The following TBCD variants were observed in gnomAD, a reference collection of about 807,000 sequenced individuals.
TBCD encodes the protein tubulin-specific chaperone D.
TBCD carries 105 observed loss-of-function variants against 169.3 expected under a neutral mutation model. The ratio of observed to expected loss-of-function variants is 0.62; its 90% CI spans 0.53 to 0.73. TBCD has a LOEUF of 0.73. Ranked by LOEUF, TBCD falls within the 30% of genes least tolerant of loss-of-function variation. The pLI is 0.00. For synonymous variants in TBCD, 700 were observed against 643.9 expected (o/e 1.09, Z -1.32); for missense variants, 1,444 against 1,600.1 (o/e 0.90, Z 1.66).
chr17:82,924,445 C>T (rs536691833), intron 26 of TBCD, among the ~76,000 whole-genome samples: 5 of 152,352 alleles, frequency 3.3e-5, no homozygotes, highest in Non-Finnish European at 2.9e-5. Flanking sequence ...GCTTGCTTCT[C>T]GCACATCATG....
intron 13 of TBCD, among the ~76,000 whole-genome samples, chr17:82,851,577 C>A (rs115998055): frequency 6.6e-6 from 1 of 152,136 alleles, no homozygotes; most frequent in Admixed American, 6.5e-5. Flanking sequence ...GCCTCAGACA[C>A]GTGTACAGAA....
Position 82,805,919 on chromosome 17 carries a change from T to C in TBCD, c.995T>C (p.Leu332Pro). The change falls in exon 10 of 39, where the codon CTC becomes CCC. Residue 332 changes from leucine (L) to proline (P), a missense_variant. Coordinates refer to ENST00000355528, the MANE Select transcript of TBCD (RefSeq NM_005993.5). The stretch of plus-strand genomic sequence containing the variant: ...TCTTTGGCTGCAAATCTGCAGCTCC[T>C]CACTCAGGGTCAGAGTGAGCAGAAG... The part of the protein sequence containing the change: ...CRSLAANLQL[L>P]TQGQSEQKPL... 1 of 1,612,766 alleles carries C rather than the reference T, an allele frequency of 6.2e-7. No homozygotes were observed. Among genetic ancestry groups the C allele is most frequent in the East Asian group, 2.2e-5 (1 of 44,822 alleles).
intron 13 of TBCD, among the ~76,000 whole-genome samples, chr17:82,851,697 C>T (rs920942004): frequency 4.6e-5 from 7 of 152,170 alleles, no homozygotes; most frequent in Non-Finnish European, 8.8e-5. Context: ...CAGAGCCAAA[C>T]GCAGCTCTTC....
intron 12 of TBCD, among the ~76,000 whole-genome samples, chr17:82,812,646 G>GC (rs2051537288): frequency 6.6e-6 from 1 of 152,218 alleles, no homozygotes; most frequent in African/African-American, 2.4e-5. Flanking sequence ...CTGGGTTCAA[G>GC]CCATTCCCCT....
chr17:82,814,823 A>T lies in TBCD; in HGVS notation c.1224-17A>T, dbSNP rs777810732. On this transcript the variant is annotated splice_polypyrimidine_tract_variant and intron_variant, in intron 12 of 38. Transcript: ENST00000355528. Reference sequence around the variant, plus strand: ...CTGACACGTGGGCTGTGGTCTCAGGATCTTTGTTGCTCTCAGTTTCCAGGA... The same window carrying T: ...CTGACACGTGGGCTGTGGTCTCAGGTTCTTTGTTGCTCTCAGTTTCCAGGA... 37 of 1,613,460 alleles carry T rather than the reference A, an allele frequency of 2.3e-5. No homozygotes were observed. Among genetic ancestry groups the T allele is most frequent in the Non-Finnish European group, 3.0e-5 (35 of 1,179,690 alleles).
Position 82,807,645 on chromosome 17 carries a change from C to A in TBCD, c.1125C>A (p.Val375=). The part of the protein sequence containing the change: ...LLVGLKDKDT[V]VRWSAAKGIG... ...TCGGGCTGAAGGACAAGGACACGGT[C>A]GTGCGGTGGTCTGCAGCCAAGGGGT... The change falls in exon 11 of 39, where the codon GTC becomes GTA. Residue 375 remains valine (V), a synonymous_variant. Coordinates refer to ENST00000355528, the MANE Select transcript of TBCD (RefSeq NM_005993.5). 1.3e-6 allele frequency: 2 copies of A among 1,553,668 alleles called. No homozygotes were observed. Among genetic ancestry groups the A allele is most frequent in the East Asian group, 2.4e-5 (1 of 41,210 alleles).
Position 82,840,605 on chromosome 17 carries a change from C to A in TBCD, c.1318+25671C>A, listed in dbSNP as rs993812372. ...CCAGAGCCTGGCTGCAGGGACCTGC[C>A]GGAGCTTGCCCGACACCAGGCACCG... On this transcript the variant is annotated intron_variant, in intron 13 of 38. Coordinates refer to ENST00000355528, the MANE Select transcript of TBCD (RefSeq NM_005993.5). 2.6e-5 allele frequency: 4 copies of A among 152,254 alleles called. No individual in the cohort carries two copies. The South Asian group carries it at 8.3e-4, about 32-fold the overall frequency. 9.4% of individuals were successfully genotyped at this position (152,254 alleles called of 1,614,324 possible).
rs780333606 is a variant in TBCD at position 82,937,297 on chromosome 17, C to T, written c.3218C>T (p.Ala1073Val). The change falls in exon 35 of 39, where the codon GCG (alanine) becomes GTG (valine). Residue 1073 changes from alanine to valine, a missense_variant. Coordinates refer to ENST00000355528, the MANE Select transcript of TBCD (RefSeq NM_005993.5). ...CACCCCTTTGCTGTGAAGTTGCTTG[C>T]GCTCTGTAAGAAAGAAATCAAGAAT... Reference protein sequence around the residue: ...EDHPFAVKLLALCKKEIKNSK... With the variant: ...EDHPFAVKLLVLCKKEIKNSK... 1.4e-5 allele frequency: 22 copies of T among 1,613,912 alleles called. No homozygotes were observed. Among genetic ancestry groups the T allele is most frequent in the Non-Finnish European group, 1.7e-5 (20 of 1,179,886 alleles).
chr17:82,828,096 C>T (rs1005403948), intron 13 of TBCD, among the ~76,000 whole-genome samples: 6 of 147,724 alleles, frequency 4.1e-5, no homozygotes, highest in Non-Finnish European at 7.5e-5. Flanking sequence ...CGAATGCACA[C>T]CCCCCCGCAG....
chr17:82,788,340 T>A (rs945160436), intron 7 of TBCD, among the ~76,000 whole-genome samples: 1 of 152,114 alleles, frequency 6.6e-6, no homozygotes, highest in South Asian at 2.1e-4. Context: ...GATTGGAAGA[T>A]TGTCGACTGT....
intron 9 of TBCD, among the ~76,000 whole-genome samples, chr17:82,801,720 G>A (rs1437829121): frequency 8.2e-6 from 1 of 122,496 alleles, no homozygotes; most frequent in Admixed American, 8.9e-5. Flanking sequence ...CGGAGTCAGC[G>A]TGGCAGGAGG....
At chr17:82,936,466 C>T (rs1250725375) in intron 34 of TBCD, among the ~76,000 whole-genome samples, 3 of 152,242 alleles carry the variant, frequency 2.0e-5, no homozygotes, top group Middle Eastern at 3.4e-3. Context: ...GCAACCTGAG[C>T]GGGTTTCTTT....
rs2062141443 is a variant in TBCD at position 82,930,864 on chromosome 17, A to G, written c.3113+221A>G. 6.6e-6 allele frequency among the ~76,000 whole-genome samples: 1 copy of G among 152,216 alleles called. No individual in the cohort carries two copies. Among genetic ancestry groups the G allele is most frequent in the Non-Finnish European group, 1.5e-5 (1 of 68,040 alleles). On this transcript the variant is annotated intron_variant, in intron 33 of 38. Coordinates refer to ENST00000355528, the MANE Select transcript of TBCD (RefSeq NM_005993.5). This position sits in a 1 kb window ranked among gnomAD's most constrained non-coding sequence, Gnocchi z 5.2. ...CCCTGCGCCTCCTCTTCTAGCCTCC[A>G]CATGAGGCAGGGAAATGACCGTTGT...
chr17:82,831,954 C>G lies in TBCD; in HGVS notation c.1318+17020C>G. The G allele has an allele frequency of 6.2e-7, 1 of 1,613,990 alleles. No individual in the cohort carries two copies. Among genetic ancestry groups the G allele is most frequent in the Non-Finnish European group, 8.5e-7 (1 of 1,179,908 alleles). ...CGTTGTCTGGCCCCTTGAGTCTGTG[C>G]TCGCCGACTGGAACAAATGCAGAAG... On this transcript the variant is annotated intron_variant, in intron 13 of 38. Coordinates refer to ENST00000355528, the MANE Select transcript of TBCD (RefSeq NM_005993.5). This position sits in a 1 kb window ranked among gnomAD's most constrained non-coding sequence, Gnocchi z 4.6.
chr17:82,795,582 G>A (rs150799248), intron 7 of TBCD: 45 of 985,448 alleles, frequency 4.6e-5, no homozygotes, highest in Admixed American at 6.1e-5. Flanking sequence ...CAGGTGATAC[G>A]GTGGTGCTCT....
chr17:82,840,954 G>GT (rs1295995328), intron 13 of TBCD, among the ~76,000 whole-genome samples: 4 of 44,278 alleles, frequency 9.0e-5, no homozygotes, highest in East Asian at 6.1e-4. Flanking sequence ...AGACAAACTG[G>GT]TTTTTTTTTT....
At chr17:82,819,052 T>C (rs1427950890) in intron 13 of TBCD, among the ~76,000 whole-genome samples, 2 of 152,028 alleles carry the variant, frequency 1.3e-5, no homozygotes, top group Admixed American at 1.3e-4. Flanking sequence ...AGCAAGATCC[T>C]GTCTCAAAAA....
At chr17:82,896,408 T>C (rs892624653) in intron 17 of TBCD, among the ~76,000 whole-genome samples, 1 of 151,990 alleles carries the variant, frequency 6.6e-6, no homozygotes, top group East Asian at 1.9e-4. Flanking sequence ...GCCTGCACTC[T>C]TGTTCTCTGG....
In TBCD at chr17:82,903,789, C is replaced by A. The variant is rs950367375; in HGVS notation, c.1804+311C>A. Among the ~76,000 whole-genome samples, 14 of 149,734 alleles carry A rather than the reference C, an allele frequency of 9.3e-5. No homozygotes were observed. The East Asian group carries it at 2.8e-3, about 30-fold the overall frequency. ...GGTGGCTCGCACCTGCCACACGACACTCCCTGGTCTCTAGGTGGCTCGCAC... is the reference window on the plus strand; with the variant it reads ...GGTGGCTCGCACCTGCCACACGACAATCCCTGGTCTCTAGGTGGCTCGCAC... On this transcript the variant is annotated intron_variant, in intron 19 of 38. Transcript: ENST00000355528. This position sits in a 1 kb window ranked among gnomAD's most constrained non-coding sequence, Gnocchi z 4.8.
Sources: gnomAD v4.1 joint callset for allele counts (sites outside exome capture counted in the v4.1 genomes callset) on GRCh38, gnomAD v4.1.1 for gene constraint, Gnocchi (gnomAD v3.1) non-coding constraint, MANE v1.5 for transcripts, NCBI Gene and HGNC (gene_info 2026-07-23, HGNC 2026-07-21) for gene names.